CYFIP2: variants seen among roughly 807,000 people sequenced by gnomAD.
CYFIP2 encodes cytoplasmic FMR1-interacting protein 2.
In CYFIP2, 29 loss-of-function variants were observed where a neutral mutation model predicts 158.7. The observed-to-expected ratio is 0.18, with a 90% CI of 0.14 to 0.25. The LOEUF is 0.25. CYFIP2 is among the 10% of genes least tolerant of loss of function. The pLI is 1.00. For synonymous variants in CYFIP2, 585 were observed against 617.6 expected (o/e 0.95, Z 0.78); for missense variants, 852 against 1,639.5 (o/e 0.52, Z 8.29).
chr5:157,321,033 G>A (rs935606177), intron 15 of CYFIP2, among the ~76,000 whole-genome samples: 3 of 152,146 alleles, frequency 2.0e-5, no homozygotes, highest in Admixed American at 6.5e-5. Context: ...GTGTGACCTC[G>A]GGCACTTTAC....
At position 157,390,259 on chromosome 5, in the gene CYFIP2, T is replaced by G. The variant is rs1183190805; in HGVS notation, c.3447-262T>G. ...GGTTTTTCCTTGCAAATTCAGAGCGTCTTTAGAGCTGATTTTTTTTTTTTT... is the reference window on the plus strand; with the variant it reads ...GGTTTTTCCTTGCAAATTCAGAGCGGCTTTAGAGCTGATTTTTTTTTTTTT... On this transcript the variant is annotated intron_variant, in intron 29 of 30. Coordinates refer to ENST00000620254, the MANE Select transcript of CYFIP2 (RefSeq NM_001037333.3). Among the ~76,000 whole-genome samples, 3 of 147,440 alleles carry G rather than the reference T, an allele frequency of 2.0e-5. No homozygotes were observed. The East Asian group carries it at 5.9e-4, about 29-fold the overall frequency.
chr5:157,308,392 T>C (rs1048682906), intron 9 of CYFIP2, among the ~76,000 whole-genome samples: 3 of 152,230 alleles, frequency 2.0e-5, no homozygotes, highest in African/African-American at 7.2e-5. Flanking sequence ...GTTCATCATA[T>C]ACTCACTGTG....
At chr5:157,286,472 T>G (rs1283979536) in intron 2 of CYFIP2, among the ~76,000 whole-genome samples, 1 of 149,560 alleles carries the variant, frequency 6.7e-6, no homozygotes. Flanking sequence ...TATTTTTCCA[T>G]GACAATACCA....
intron 13 of CYFIP2, among the ~76,000 whole-genome samples, chr5:157,316,243 AT>A (rs1760135030): frequency 6.6e-6 from 1 of 152,224 alleles, no homozygotes; most frequent in Non-Finnish European, 1.5e-5. Flanking sequence ...AGAAATAAAT[AT>A]GCATATACAC....
At chr5:157,278,200 GTATA>G (rs1262436306) in intron 1 of CYFIP2, among the ~76,000 whole-genome samples, 1 of 151,494 alleles carries the variant, frequency 6.6e-6, no homozygotes, top group Non-Finnish European at 1.5e-5. Flanking sequence ...ATACATATGT[GTATA>G]TATATGTATA....
intron 24 of CYFIP2, among the ~76,000 whole-genome samples, chr5:157,359,844 G>C (rs1419258443): frequency 6.6e-6 from 1 of 152,178 alleles, no homozygotes; most frequent in Non-Finnish European, 1.5e-5. Context: ...TGGAACCATG[G>C]GTTGTTACAG....
chr5:157,342,716 A>C, intron 23 of CYFIP2: 3 of 777,616 alleles, frequency 3.9e-6, no homozygotes, highest in Non-Finnish European at 5.9e-6. Flanking sequence ...AAGCTTTGTC[A>C]TGGGGCATTC....
intron 28 of CYFIP2, among the ~76,000 whole-genome samples, chr5:157,386,876 C>G (rs536740636): frequency 2.7e-5 from 4 of 148,472 alleles, no homozygotes; most frequent in Admixed American, 1.4e-4. Context: ...GCCGAGATTG[C>G]GCCACTGCAC....
chr5:157,277,068 T>C (rs1212875778), intron 1 of CYFIP2: 17 of 151,736 alleles, frequency 1.1e-4, no homozygotes, highest in Non-Finnish European at 1.9e-4. Context: ...GAGTCTCGCT[T>C]CGTCACCCAG....
chr5:157,374,086 A>G (rs1007681817), intron 26 of CYFIP2, among the ~76,000 whole-genome samples: 4 of 152,236 alleles, frequency 2.6e-5, no homozygotes, highest in African/African-American at 9.6e-5. Context: ...TGGTCATTGG[A>G]AATCAAGAAC....
In CYFIP2 at chr5:157,390,674, C is replaced by A; in HGVS notation, c.3594+6C>A. 6.3e-7 allele frequency: 1 copy of A among 1,581,694 alleles called. No homozygotes were observed. Among genetic ancestry groups the A allele is most frequent in the South Asian group, 1.2e-5 (1 of 86,034 alleles). On this transcript the variant is annotated splice_donor_region_variant and intron_variant, in intron 30 of 30. Transcript: ENST00000620254. ...ATGAAATCATTAAGAATGTGGTGAG[C>A]AGGCTGGTGGCTAAGGCCTGGGAGG...
chr5:157,385,760 TGAG>T (rs1439695651), intron 28 of CYFIP2, among the ~76,000 whole-genome samples: 1 of 151,782 alleles, frequency 6.6e-6, no homozygotes, highest in Non-Finnish European at 1.5e-5. Flanking sequence ...CAAAAAACAT[TGAG>T]GTTTTTGAGA....
At chr5:157,274,058 C>G (rs1029108600) in intron 1 of CYFIP2, among the ~76,000 whole-genome samples, 8 of 151,610 alleles carry the variant, frequency 5.3e-5, no homozygotes, top group Admixed American at 2.0e-4. Flanking sequence ...TCGTTTGAAC[C>G]CGGCAGAGGT....
intron 1 of CYFIP2, among the ~76,000 whole-genome samples, chr5:157,279,366 T>C (rs866487705): frequency 1.3e-5 from 2 of 152,358 alleles, no homozygotes; most frequent in Middle Eastern, 3.4e-3. Flanking sequence ...AGTCTTAATA[T>C]TTCATTTCTT....
intron 7 of CYFIP2, 179 bp downstream of exon 7, chr5:157,303,069 G>A (rs999123663): frequency 3.6e-6 from 2 of 559,262 alleles, no homozygotes; most frequent in African/African-American, 1.9e-5. Context: ...AACCCCAGGT[G>A]GCCGATTCAC....
intron 26 of CYFIP2, among the ~76,000 whole-genome samples, chr5:157,370,749 A>G (rs1764920518): frequency 6.6e-6 from 1 of 152,240 alleles, no homozygotes; most frequent in Non-Finnish European, 1.5e-5. Context: ...AGGGAAGAGA[A>G]AGCCCACTTT....
At chr5:157,347,973 G>A (rs529685124) in intron 23 of CYFIP2, among the ~76,000 whole-genome samples, 19 of 152,362 alleles carry the variant, frequency 1.2e-4, no homozygotes, top group South Asian at 2.1e-4. Flanking sequence ...CAGTGCAGCC[G>A]TTTGTGAAGG....
At chr5:157,389,690 C>T in intron 29 of CYFIP2, 1 of 343,174 alleles carries the variant, frequency 2.9e-6, no homozygotes, top group Non-Finnish European at 5.3e-6. Flanking sequence ...TTAGAGCAGA[C>T]AGCAGAGCTA....
rs181938624 is a variant in CYFIP2, at chr5:157,282,447, A to C, written c.-23-2892A>C. On this transcript the variant is annotated intron_variant, in intron 1 of 30. Coordinates refer to ENST00000620254, the MANE Select transcript of CYFIP2 (RefSeq NM_001037333.3). ...CACCTCCCACCAGGCCCCACCTCCA[A>C]CACTGGGGATTAGAATTCAACATGA... is the stretch of plus-strand genomic sequence containing the variant. Among the ~76,000 whole-genome samples the C allele has an allele frequency of 1.0e-3, 152 of 152,356 alleles. 1 individual carries two copies. Among genetic ancestry groups the C allele is most frequent in the African/African-American group, 3.4e-3 (141 of 41,596 alleles).
Sources: allele counts gnomAD v4.1 joint callset (sites outside exome capture counted in the v4.1 genomes callset), GRCh38; gene constraint gnomAD v4.1.1; transcripts MANE v1.5; gene names NCBI Gene and HGNC (gene_info 2026-07-23, HGNC 2026-07-21).